Variants in RPS6KA2 observed in about 807,000 individuals in gnomAD.
RPS6KA2 encodes ribosomal protein S6 kinase A2.
RPS6KA2 carries 42 observed loss-of-function variants against 91.8 expected under a neutral mutation model. The ratio of observed to expected loss-of-function variants is 0.46; its 90% CI spans 0.36 to 0.59. RPS6KA2 has a LOEUF of 0.59. RPS6KA2 is among the 20% of genes least tolerant of loss of function. The probability of loss-of-function intolerance (pLI) is 0.00; values close to 1 mark genes in which losing one functional copy is unlikely to be tolerated. For missense variants in RPS6KA2, 798 were observed against 978.5 expected, an observed-to-expected ratio of 0.82 and a Z score of 2.46; for synonymous variants, 414 against 393.6, an observed-to-expected ratio of 1.05 and a Z score of -0.61.
chr6:166,712,513 A>G (rs1206471409), intron 2 of RPS6KA2, among the ~76,000 whole-genome samples: 1 of 152,188 alleles, frequency 6.6e-6, no homozygotes, highest in East Asian at 1.9e-4. Flanking sequence ...TCTAACAAGT[A>G]TCTGTGAGGG....
chr6:166,812,764 G>A (rs1242360785), intron 2 of RPS6KA2, among the ~76,000 whole-genome samples: 2 of 152,176 alleles, frequency 1.3e-5, no homozygotes, highest in African/African-American at 4.8e-5. Flanking sequence ...GACCTCATGA[G>A]AAGATCAATT....
intron 2 of RPS6KA2, among the ~76,000 whole-genome samples, chr6:166,756,325 G>C (rs1298011917): frequency 6.6e-6 from 1 of 152,154 alleles, no homozygotes; most frequent in Non-Finnish European, 1.5e-5. Flanking sequence ...CACACAGTTG[G>C]AAAGTCACAG....
intron 20 of RPS6KA2, among the ~76,000 whole-genome samples, chr6:166,413,365 G>A (rs1778384153): frequency 6.6e-6 from 1 of 152,194 alleles, no homozygotes; most frequent in African/African-American, 2.4e-5. Flanking sequence ...GAATGGATCT[G>A]GAGGGGGCGG....
In RPS6KA2 at chr6:166,662,006, G is replaced by A. The variant is rs985269365; in HGVS notation, c.124-123222C>T. Among the ~76,000 whole-genome samples, 5 of 152,066 alleles carry A rather than the reference G, an allele frequency of 3.3e-5. No homozygotes were observed. Among genetic ancestry groups the A allele is most frequent in the Admixed American group, 6.5e-5 (1 of 15,268 alleles). On this transcript the variant is annotated intron_variant, in intron 2 of 21. Transcript: ENST00000503859. The surrounding 1 kb of genome is among the most constrained non-coding windows in gnomAD (Gnocchi z 4.3). ...ATGTTTTACTCCAGTTCAATTCCTC[G>A]TTAACACAAATTCTTAACGGGACTA...
rs116798998 is a variant in RPS6KA2, at chr6:166,487,792, T to G, written c.907+1041A>C. On this transcript the variant is annotated intron_variant, in intron 10 of 20. Coordinates refer to ENST00000265678, the MANE Select transcript of RPS6KA2 (RefSeq NM_021135.6). ...CAATGTTGATTTTTAAAAATCACCT[T>G]AACTCCTTTTTTCTAAGATCACAGT... 5.6e-3 allele frequency among the ~76,000 whole-genome samples: 858 copies of G among 152,338 alleles called. 8 individuals are homozygous for G. Among genetic ancestry groups the G allele is most frequent in the African/African-American group, 0.02 (827 of 41,572 alleles).
chr6:166,747,980 T>A (rs1463770631), intron 2 of RPS6KA2, among the ~76,000 whole-genome samples: 2 of 152,134 alleles, frequency 1.3e-5, no homozygotes. Flanking sequence ...CATTCTGCCC[T>A]GAGTTGCCCA....
At position 166,717,441 on chromosome 6, in the gene RPS6KA2, C is replaced by T. The variant is rs138392327; in HGVS notation, c.123+140759G>A. ...ACACACTGGCACCAGGAGTCTCTCC[C>T]AGCTCTGCTCTGCCACCCTGAGAAT... On this transcript the variant is annotated intron_variant, in intron 2 of 21. Transcript: ENST00000503859. Among the ~76,000 whole-genome samples, 44 of 152,296 alleles carry T rather than the reference C, an allele frequency of 2.9e-4. No homozygotes were observed. The East Asian group carries it at 8.1e-3, about 28-fold the overall frequency.
At chr6:166,667,027 G>A (rs925527833) in intron 2 of RPS6KA2, among the ~76,000 whole-genome samples, 7 of 152,198 alleles carry the variant, frequency 4.6e-5, no homozygotes, top group Non-Finnish European at 7.3e-5. Flanking sequence ...TTCCGCTTAC[G>A]TGAGGTACCG....
intron 2 of RPS6KA2, among the ~76,000 whole-genome samples, chr6:166,832,980 T>C (rs1254995973): frequency 6.6e-6 from 1 of 152,246 alleles, no homozygotes; most frequent in Non-Finnish European, 1.5e-5. Context: ...CTTATGTAAA[T>C]GCAGTTTAAT....
At chr6:166,464,551 A>G (rs1780449544) in intron 11 of RPS6KA2, among the ~76,000 whole-genome samples, 1 of 152,144 alleles carries the variant, frequency 6.6e-6, no homozygotes, top group South Asian at 2.1e-4. Flanking sequence ...GCCTGTAATA[A>G]TATTTGCAGT....
chr6:166,542,388 T>C (rs1239214712), intron 1 of RPS6KA2: 1 of 152,266 alleles, frequency 6.6e-6, no homozygotes, highest in Non-Finnish European at 1.5e-5. Flanking sequence ...ATCAAGTCTG[T>C]TCCTGAATCG....
intron 1 of RPS6KA2, among the ~76,000 whole-genome samples, chr6:166,551,174 G>A (rs141725551): frequency 1.0e-3 from 158 of 151,866 alleles, no homozygotes; most frequent in Admixed American, 5.8e-3. Context: ...CAAAACCAGC[G>A]ACCATCTCTT....
intron 2 of RPS6KA2, among the ~76,000 whole-genome samples, chr6:166,723,760 G>A (rs1391381839): frequency 2.0e-5 from 3 of 146,512 alleles, no homozygotes; most frequent in Middle Eastern, 3.4e-3. Flanking sequence ...GAGTGCAATG[G>A]CGCGATCTTG....
rs767649403 is a variant in RPS6KA2, at chr6:166,648,397, C to T, written c.124-109613G>A. ...CTGAGGGCCTGGAGAACATTGTGCACGCCTCCATCTTACCATATACAACTG... is the reference window on the plus strand; with the variant it reads ...CTGAGGGCCTGGAGAACATTGTGCATGCCTCCATCTTACCATATACAACTG... On this transcript the variant is annotated intron_variant, in intron 2 of 21. Transcript: ENST00000503859. The surrounding 1 kb of genome is among the most constrained non-coding windows in gnomAD (Gnocchi z 4.8). Among the ~76,000 whole-genome samples, 12 of 152,198 alleles carry T rather than the reference C, an allele frequency of 7.9e-5. No homozygotes were observed. Among genetic ancestry groups the T allele is most frequent in the Admixed American group, 3.3e-4 (5 of 15,284 alleles).
chr6:166,546,335 C>T (rs1049920580), intron 1 of RPS6KA2, among the ~76,000 whole-genome samples: 1 of 152,192 alleles, frequency 6.6e-6, no homozygotes, highest in East Asian at 1.9e-4. Flanking sequence ...GGATGAGTGC[C>T]CAAAGGGGCT....
chr6:166,456,558 C>T (rs371463115), intron 12 of RPS6KA2, among the ~76,000 whole-genome samples: 1 of 152,198 alleles, frequency 6.6e-6, no homozygotes, highest in African/African-American at 2.4e-5. Context: ...GAATAGAAAC[C>T]AGCTTGAGCG....
intron 13 of RPS6KA2, among the ~76,000 whole-genome samples, chr6:166,450,148 C>T (rs1292823458): frequency 3.4e-4 from 49 of 146,010 alleles, no homozygotes; most frequent in Middle Eastern, 4.1e-3. Flanking sequence ...GGAACCACCA[C>T]AGGGACCACC....
chr6:166,610,806 T>C (rs916033283), intron 1 of RPS6KA2, among the ~76,000 whole-genome samples: 2 of 152,260 alleles, frequency 1.3e-5, no homozygotes, highest in African/African-American at 4.8e-5. Flanking sequence ...ACATTTATTA[T>C]AGAGTTATAA....
rs1787217272 is a variant in RPS6KA2, at chr6:166,635,751, G to C, written c.124-96967C>G. Among the ~76,000 whole-genome samples, 1 of 152,074 alleles carries C rather than the reference G, an allele frequency of 6.6e-6. No individual in the cohort carries two copies. The highest frequency in any genetic ancestry group is 1.5e-5 in the Non-Finnish European group (1 of 68,002). On this transcript the variant is annotated intron_variant, in intron 2 of 21. Coordinates refer to the RPS6KA2 transcript ENST00000503859. This position sits in a 1 kb window ranked among gnomAD's most constrained non-coding sequence, Gnocchi z 4.8. ...TCTGCAGAAGGACGTTCAACTCTGA[G>C]CCTGCCCACCTACTGCGCTCACCCC...
Sources: allele counts gnomAD v4.1 joint callset (sites outside exome capture counted in the v4.1 genomes callset), GRCh38; gene constraint gnomAD v4.1.1; non-coding constraint Gnocchi (gnomAD v3.1); transcripts MANE v1.5; gene names NCBI Gene and HGNC (gene_info 2026-07-23, HGNC 2026-07-21).